SERINC2: variants seen among roughly 807,000 people sequenced by gnomAD.
SERINC2 encodes serine incorporator 2.
A neutral mutation model predicts 54.2 loss-of-function variants in SERINC2; 56 were observed. That is an observed-to-expected ratio of 1.03 (90% confidence interval 0.83 to 1.29). The LOEUF is 1.29. Among genes scored for constraint, SERINC2 ranks in the 50% most tolerant of loss-of-function variants. The pLI is 0.00. For synonymous variants in SERINC2, 272 were observed against 253.1 expected (o/e 1.07, Z -0.71); for missense variants, 614 against 607.4 (o/e 1.01, Z -0.12).
intron 8 of SERINC2, among the ~76,000 whole-genome samples, chr1:31,431,822 A>ACAGGG (rs1641228853): frequency 1.8e-5 from 2 of 112,510 alleles, no homozygotes; most frequent in Admixed American, 8.4e-5. Flanking sequence ...GACAGGGTGG[A>ACAGGG]TAGGGTGGAT....
At chr1:31,422,328 G>A (rs1184877989) in intron 1 of SERINC2, among the ~76,000 whole-genome samples, 2 of 150,930 alleles carry the variant, frequency 1.3e-5, no homozygotes, top group South Asian at 2.1e-4. Context: ...AAGAAGAAAA[G>A]AAGAAAACCC....
Position 31,434,669 on chromosome 1 carries a change from G to C in SERINC2, c.*470G>C, listed in dbSNP as rs1280087566. On this transcript the variant is annotated 3_prime_UTR_variant, in exon 10 of 10. Coordinates refer to ENST00000373709, the MANE Select transcript of SERINC2 (RefSeq NM_178865.5). ...GACTTTTTCTAATAAACAAGCCAGTGCGTGTACCATGTTCTGTGCCCCTCA... is the reference window on the plus strand; with the variant it reads ...GACTTTTTCTAATAAACAAGCCAGTCCGTGTACCATGTTCTGTGCCCCTCA... 1 of 175,784 alleles carries C rather than the reference G, an allele frequency of 5.7e-6. No individual in the cohort carries two copies. The highest frequency in any genetic ancestry group is 2.4e-5 in the African/African-American group (1 of 42,356). 10.9% of individuals were successfully genotyped at this position (175,784 alleles called of 1,614,324 possible).
At chr1:31,431,411 A>G (rs1553134448) in intron 8 of SERINC2, among the ~76,000 whole-genome samples, 11 of 151,490 alleles carry the variant, frequency 7.3e-5, no homozygotes, top group Non-Finnish European at 1.5e-5. Flanking sequence ...ACAGGAGTGC[A>G]CCACTCCTGG....
Position 31,432,074 on chromosome 1 carries a change from A to T in SERINC2, c.1014-893A>T, listed in dbSNP as rs1391409307. Reference sequence around the variant, plus strand: ...AGGGTGGACAGGGTGGACAGGGTGGACAGGGTGGTTAGGGTGGACAGGGTG... The same window carrying T: ...AGGGTGGACAGGGTGGACAGGGTGGTCAGGGTGGTTAGGGTGGACAGGGTG... On this transcript the variant is annotated intron_variant, in intron 8 of 9. Transcript: ENST00000373709. Among the ~76,000 whole-genome samples, 84 of 121,618 alleles carry T rather than the reference A, an allele frequency of 6.9e-4. 1 individual carries two copies. Among genetic ancestry groups the T allele is most frequent in the African/African-American group, 8.5e-4 (24 of 28,286 alleles). 79.8% of individuals were successfully genotyped at this position (121,618 alleles called of 152,430 possible).
chr1:31,429,435 A>C lies in SERINC2; in HGVS notation c.910A>C (p.Asn304His). 1 of 1,613,930 alleles carries C rather than the reference A, an allele frequency of 6.2e-7. No individual in the cohort carries two copies. Among genetic ancestry groups the C allele is most frequent in the Non-Finnish European group, 8.5e-7 (1 of 1,179,914 alleles). The change falls in exon 8 of 10, where the codon AAC (asparagine) becomes CAC (histidine). Residue 304 changes from asparagine to histidine, a missense_variant. Physicochemically the swap from Asn to His is moderately conservative, Grantham distance 68. Coordinates refer to ENST00000373709, the MANE Select transcript of SERINC2 (RefSeq NM_178865.5). ...CNPHLPTQLG[N>H]ETVVAGPEGY... ...CCCCCATTTGCCAACCCAGCTGGGC[A>C]ACGAGACAGTTGTGGCAGGCCCCGA...
At position 31,434,575 on chromosome 1, in the gene SERINC2, G is replaced by C. The variant is rs1553135457; in HGVS notation, c.*376G>C. ...TGGGGCATCCGGCACTGAAGCCCTG[G>C]TGTTCCTGGTCACGTCCCCCAGGGG... On this transcript the variant is annotated 3_prime_UTR_variant, in exon 10 of 10. Coordinates refer to ENST00000373709, the MANE Select transcript of SERINC2 (RefSeq NM_178865.5). 2 of 244,092 alleles carry C rather than the reference G, an allele frequency of 8.2e-6. No homozygotes were observed. Among genetic ancestry groups the C allele is most frequent in the Admixed American group, 1.0e-4 (2 of 19,986 alleles). The allele number at this position is 244,092 out of a possible 1,614,324, so 15.1% of individuals were successfully genotyped here.
At chr1:31,429,175 G>A in intron 7 of SERINC2, 107 bp downstream of exon 7, 1 of 1,115,040 alleles carries the variant, frequency 9.0e-7, no homozygotes, top group Non-Finnish European at 1.4e-6. Context: ...CCCTGCTCCA[G>A]CCCATTCTGA....
chr1:31,417,517 C>G (rs1640808731), intron 1 of SERINC2, among the ~76,000 whole-genome samples: 1 of 152,120 alleles, frequency 6.6e-6, no homozygotes, highest in Non-Finnish European at 1.5e-5. Flanking sequence ...CTCCCTGCCC[C>G]CTCCCTTTTA....
intron 8 of SERINC2, among the ~76,000 whole-genome samples, chr1:31,431,723 A>C: frequency 6.6e-6 from 1 of 152,186 alleles, no homozygotes; most frequent in Non-Finnish European, 1.5e-5. Context: ...GCTCCCATGC[A>C]TGAGATATCC....
upstream of SERINC2, chr1:31,410,106 T>C (rs1302911036): frequency 2.3e-6 from 3 of 1,290,534 alleles, no homozygotes; most frequent in Admixed American, 2.9e-5. Context: ...TTACATAGCA[T>C]TGGGTGGAGA....
At chr1:31,421,930 C>T (rs782146843) in intron 1 of SERINC2, among the ~76,000 whole-genome samples, 3 of 152,204 alleles carry the variant, frequency 2.0e-5, no homozygotes, top group Non-Finnish European at 4.4e-5. Context: ...CTGTCTAGAA[C>T]TTTCTTTCCT....
At chr1:31,414,831 C>G (rs1570024770) in intron 1 of SERINC2, 1 of 952,644 alleles carries the variant, frequency 1.0e-6, no homozygotes, top group Non-Finnish European at 1.3e-6. Flanking sequence ...TGAGGGGCAG[C>G]CTGCCAGCCC....
chr1:31,426,941 G>T, intron 6 of SERINC2, 118 bp downstream of exon 6: 3 of 903,020 alleles, frequency 3.3e-6, no homozygotes, highest in Non-Finnish European at 5.0e-6. Flanking sequence ...CTGAGTGTGT[G>T]GGCTCCCAGG....
intron 8 of SERINC2, among the ~76,000 whole-genome samples, chr1:31,432,274 G>A (rs184631873): frequency 2.7e-5 from 4 of 150,594 alleles, no homozygotes; most frequent in Admixed American, 6.6e-5. Flanking sequence ...CAATTTGCTG[G>A]GGTGGCGGGG....
Position 31,434,408 on chromosome 1 carries a change from C to T in SERINC2, c.*209C>T, listed in dbSNP as rs575971437. On this transcript the variant is annotated 3_prime_UTR_variant, in exon 10 of 10. Transcript: ENST00000373709. ...AGGCTCCTGCAGAGCCCCATCCCCC[C>T]GCCACACCCACACGGTGGAGCTGCC... 1.4e-4 allele frequency: 84 copies of T among 582,382 alleles called. No individual in the cohort carries two copies. The East Asian group carries it at 1.5e-3, about 11-fold the overall frequency. 36.1% of individuals were successfully genotyped at this position (582,382 alleles called of 1,614,324 possible).
At chr1:31,431,708 T>C in intron 8 of SERINC2, among the ~76,000 whole-genome samples, 1 of 150,488 alleles carries the variant, frequency 6.6e-6, no homozygotes, top group Non-Finnish European at 1.5e-5. Flanking sequence ...GACCACCCAA[T>C]CTGGGCTCCC....
In SERINC2 at chr1:31,426,792, T is replaced by C. The variant is rs781940917; in HGVS notation, c.749T>C (p.Val250Ala). 15 of 1,613,958 alleles carry C rather than the reference T, an allele frequency of 9.3e-6. No homozygotes were observed. The highest frequency in any genetic ancestry group is 1.3e-5 in the Non-Finnish European group (15 of 1,180,012). Residue 250 changes from valine to alanine, a missense_variant, in exon 6 of 10, where the codon GTG becomes GCG. Physicochemically the swap from Val to Ala is moderately conservative, Grantham distance 64 (BLOSUM62 0). Coordinates refer to ENST00000373709, the MANE Select transcript of SERINC2 (RefSeq NM_178865.5). ...CTCAACCTCACCTTCTGTGTCTGCG[T>C]GTCCATCGCTGCTGTCCTGCCCAAG... ...ISLNLTFCVC[V>A]SIAAVLPKVQ...
chr1:31,431,805 C>CAGGGTGGATAGGGTGGATAGGGTGGAT (rs1641224644), intron 8 of SERINC2, among the ~76,000 whole-genome samples: 26 of 40,646 alleles, frequency 6.4e-4, no homozygotes, highest in African/African-American at 1.6e-3. Context: ...ATAGGGTGGA[C>CAGGGTGGATAGGGTGGATAGGGTGGAT]AGGGTGGACA....
chr1:31,434,295 G>C lies in SERINC2; in HGVS notation c.*96G>C, dbSNP rs1381528179. On this transcript the variant is annotated 3_prime_UTR_variant, in exon 10 of 10. Coordinates refer to ENST00000373709, the MANE Select transcript of SERINC2 (RefSeq NM_178865.5). ...GCCCCCTCCCCACACCAATCAGCCA[G>C]GCTGAGCCCCCACCCCTGCCCCAGC... The C allele has an allele frequency of 6.7e-6, 9 of 1,340,716 alleles. No individual in the cohort carries two copies. In the African/African-American group the frequency reaches 1.1e-4, roughly 17 times the overall value. The allele number at this position is 1,340,716 out of a possible 1,614,324, so 83.1% of individuals were successfully genotyped here.
Sources: gnomAD v4.1 joint callset for allele counts (sites outside exome capture counted in the v4.1 genomes callset) on GRCh38, gnomAD v4.1.1 for gene constraint, MANE v1.5 for transcripts, NCBI Gene and HGNC (gene_info 2026-07-23, HGNC 2026-07-21) for gene names.